CSMD3: variants seen among roughly 807,000 people sequenced by gnomAD.
The protein encoded by CSMD3 is CUB and sushi domain-containing protein 3.
A neutral mutation model predicts 435.2 loss-of-function variants in CSMD3; 177 were observed. The observed-to-expected ratio is 0.41, with a 90% CI of 0.36 to 0.46. The LOEUF (loss-of-function observed/expected upper bound fraction) is 0.46. Among genes scored for constraint, CSMD3 ranks in the 20% least tolerant of loss-of-function variants. The probability of loss-of-function intolerance (pLI) is 0.34; values close to 1 mark genes in which losing one functional copy is unlikely to be tolerated. For missense variants in CSMD3, 4,265 were observed against 4,504.6 expected (o/e 0.95, Z 1.52); for synonymous variants, 1,656 against 1,520.5 (o/e 1.09, Z -2.07).
intron 7 of CSMD3, among the ~76,000 whole-genome samples, chr8:112,973,930 A>G (rs1418122532): frequency 1.3e-5 from 2 of 151,912 alleles, no homozygotes; most frequent in African/African-American, 4.8e-5. Context: ...AATGTTTTCC[A>G]TATAATGTTT....
intron 1 of CSMD3, among the ~76,000 whole-genome samples, chr8:113,332,278 A>G (rs2094033705): frequency 6.6e-6 from 1 of 150,962 alleles, no homozygotes; most frequent in Admixed American, 6.6e-5. Context: ...ATTTGTCCAT[A>G]CAGCATTACC....
chr8:112,654,852 C>A (rs1429995857), intron 18 of CSMD3, among the ~76,000 whole-genome samples: 1 of 152,138 alleles, frequency 6.6e-6, no homozygotes, highest in Non-Finnish European at 1.5e-5. Context: ...AAGCTGCCTG[C>A]ATATTGATAT....
chr8:113,322,260 C>CA (rs1177373433), intron 1 of CSMD3, among the ~76,000 whole-genome samples: 1 of 152,080 alleles, frequency 6.6e-6, no homozygotes, highest in Non-Finnish European at 1.5e-5. Context: ...TTTCTATCCT[C>CA]AAGTCATGAT....
intron 13 of CSMD3, among the ~76,000 whole-genome samples, chr8:112,706,096 C>T (rs2076493062): frequency 6.6e-6 from 1 of 151,990 alleles, no homozygotes; most frequent in African/African-American, 2.4e-5. Flanking sequence ...TGCTCAAGGG[C>T]ACTTTCATTG....
intron 35 of CSMD3, among the ~76,000 whole-genome samples, chr8:112,404,460 G>A (rs1405829422): frequency 2.0e-5 from 3 of 151,698 alleles, no homozygotes; most frequent in African/African-American, 7.3e-5. Context: ...AACCTGGGAG[G>A]CAAGGTTGAG....
At chr8:113,112,408 T>C (rs867804604) in intron 4 of CSMD3, among the ~76,000 whole-genome samples, 1 of 4,934 alleles carries the variant, frequency 2.0e-4, no homozygotes, top group Middle Eastern at 0.083. Context: ...TATATATATA[T>C]ATATATATAT....
chr8:112,763,983 C>T (rs2077912073), intron 13 of CSMD3, among the ~76,000 whole-genome samples: 1 of 150,752 alleles, frequency 6.6e-6, no homozygotes, highest in Non-Finnish European at 1.5e-5. Context: ...ACTGAATTTC[C>T]CTAAAGTTTT....
chr8:112,872,823 T>C (rs1287101642), intron 10 of CSMD3, among the ~76,000 whole-genome samples: 33 of 152,056 alleles, frequency 2.2e-4, no homozygotes, highest in Admixed American at 2.1e-3. Flanking sequence ...AGAGGTGAGA[T>C]AGAATGATAT....
At chr8:113,258,764 C>A (rs1269335836) in intron 3 of CSMD3, among the ~76,000 whole-genome samples, 1 of 151,974 alleles carries the variant, frequency 6.6e-6, no homozygotes, top group Non-Finnish European at 1.5e-5. Context: ...AGAGAAAATT[C>A]AGCAGTAAAA....
intron 10 of CSMD3, among the ~76,000 whole-genome samples, chr8:112,884,244 T>C (rs1303654308): frequency 6.6e-6 from 1 of 151,830 alleles, no homozygotes; most frequent in Admixed American, 6.6e-5. Context: ...AATTGCAGTA[T>C]GTGAGAGTAT....
intron 37 of CSMD3, among the ~76,000 whole-genome samples, chr8:112,380,687 T>C (rs1406811653): frequency 3.3e-5 from 5 of 152,086 alleles, no homozygotes; most frequent in African/African-American, 1.2e-4. Flanking sequence ...TTCCTAAAAA[T>C]AGGTAGGAGC....
rs140011284 is a variant in CSMD3 at position 112,686,959 on chromosome 8, T to G, written c.2156-1227A>C. Among the ~76,000 whole-genome samples the G allele has an allele frequency of 4.8e-3, 729 of 152,250 alleles. 10 individuals are homozygous for G. The highest frequency in any genetic ancestry group is 0.017 in the African/African-American group (704 of 41,552). ...GACATATAAACATTAATTGAACTGT[T>G]CTTCTAGTGTTTGACATTTAAAATT... On this transcript the variant is annotated intron_variant, in intron 14 of 70. Transcript: ENST00000297405.
intron 2 of CSMD3, among the ~76,000 whole-genome samples, chr8:113,287,435 T>C (rs1310520203): frequency 6.6e-6 from 1 of 152,046 alleles, no homozygotes; most frequent in African/African-American, 2.4e-5. Flanking sequence ...TTGGAGTACA[T>C]GAAGCACAGC....
intron 37 of CSMD3, among the ~76,000 whole-genome samples, chr8:112,382,015 G>T (rs1829504213): frequency 6.6e-6 from 1 of 152,000 alleles, no homozygotes; most frequent in South Asian, 2.1e-4. Flanking sequence ...ATAATCATGG[G>T]ATTACAATCC....
chr8:112,941,320 A>T (rs1367920812), intron 9 of CSMD3, among the ~76,000 whole-genome samples: 1 of 151,858 alleles, frequency 6.6e-6, no homozygotes, highest in Admixed American at 6.6e-5. Flanking sequence ...AAGCATTTTG[A>T]ATGCCAACAC....
intron 27 of CSMD3, among the ~76,000 whole-genome samples, chr8:112,543,245 A>G (rs1428303083): frequency 6.6e-6 from 1 of 152,192 alleles, no homozygotes; most frequent in African/African-American, 2.4e-5. Flanking sequence ...GAAAGCAAAA[A>G]TAAACAAGCA....
intron 5 of CSMD3, among the ~76,000 whole-genome samples, chr8:113,036,355 G>T (rs1328100760): frequency 2.0e-5 from 3 of 151,680 alleles, no homozygotes; most frequent in Non-Finnish European, 4.4e-5. Context: ...ATTTAAAATT[G>T]GATTTTAAAT....
In CSMD3 at chr8:112,946,587, A is replaced by C. The variant is rs1237649343; in HGVS notation, c.1508+1203T>G. ...TAAGAAATAAAAAATACTTGGAAAA[A>C]ATAATTATTTAATTGCTTATCACTT... is the stretch of plus-strand genomic sequence containing the variant. On this transcript the variant is annotated intron_variant, in intron 9 of 70. Transcript: ENST00000297405. Among the ~76,000 whole-genome samples, 2 of 151,776 alleles carry C rather than the reference A, an allele frequency of 1.3e-5. 1 individual carries two copies. Among genetic ancestry groups the C allele is most frequent in the Non-Finnish European group, 3.0e-5 (2 of 67,780 alleles).
intron 4 of CSMD3, 123 bp from the exon 5 acceptor site, chr8:113,099,086 T>C (rs540889492): frequency 5.7e-6 from 4 of 704,330 alleles, no homozygotes; most frequent in South Asian, 3.0e-5. Flanking sequence ...ACCAAGTGCA[T>C]AATATACTAA....
Sources: allele counts gnomAD v4.1 joint callset (sites outside exome capture counted in the v4.1 genomes callset), GRCh38; gene constraint gnomAD v4.1.1; transcripts MANE v1.5; gene names NCBI Gene and HGNC (gene_info 2026-07-23, HGNC 2026-07-21).